The following SLC25A37 variants were observed in gnomAD, a reference collection of about 807,000 sequenced individuals.
SLC25A37 encodes the protein solute carrier family 25 member 37.
SLC25A37 carries 17 observed loss-of-function variants against 31.0 expected under a neutral mutation model. The observed-to-expected ratio is 0.55, with a 90% CI of 0.38 to 0.82. SLC25A37 has a LOEUF of 0.82. Ranked by LOEUF, SLC25A37 falls within the 40% of genes least tolerant of loss-of-function variation. The pLI is 0.00. For synonymous variants in SLC25A37, 222 were observed against 193.0 expected (o/e 1.15, Z -1.24); for missense variants, 404 against 465.8 (o/e 0.87, Z 1.22).
In SLC25A37 at chr8:23,566,112, G is replaced by T. The variant is rs751742801; in HGVS notation, c.215G>T (p.Arg72Leu). The T allele has an allele frequency of 1.3e-6, 2 of 1,581,248 alleles. No homozygotes were observed. Among genetic ancestry groups the T allele is most frequent in the Non-Finnish European group, 1.7e-6 (2 of 1,169,790 alleles). The change falls in exon 2 of 4, where the codon CGA becomes CTA. Residue 72 changes from arginine to leucine, a missense_variant. Physicochemically the swap from Arg to Leu is moderately radical, Grantham distance 102. Coordinates refer to ENST00000519973, the MANE Select transcript of SLC25A37 (RefSeq NM_016612.4). ...VMYPVDSVKT[R>L]MQSLSPDPKA... ...TCTCTTCTTGCCCGCTCCCAGACAC[G>T]AATGCAGAGTTTGAGTCCAGATCCC...
intron 1 of SLC25A37, among the ~76,000 whole-genome samples, chr8:23,564,633 A>AC (rs74840226): frequency 0.38 from 57,023 of 151,714 alleles, 10,984 homozygotes; most frequent in African/African-American, 0.44. Flanking sequence ...TTTCTTGCCT[A>AC]TATACTAGTC....
intron 1 of SLC25A37, among the ~76,000 whole-genome samples, chr8:23,534,501 T>G (rs1239285635): frequency 6.6e-6 from 1 of 152,202 alleles, no homozygotes; most frequent in African/African-American, 2.4e-5. Flanking sequence ...CTCTCATTTT[T>G]CCAGTGGGCC....
At chr8:23,533,813 G>C (rs540604198) in intron 1 of SLC25A37, among the ~76,000 whole-genome samples, 13 of 152,340 alleles carry the variant, frequency 8.5e-5, no homozygotes, top group South Asian at 2.1e-4. Flanking sequence ...ATACCCCTGT[G>C]ATCATGGTGT....
At chr8:23,559,882 C>T (rs778252938) in intron 1 of SLC25A37, among the ~76,000 whole-genome samples, 5 of 152,136 alleles carry the variant, frequency 3.3e-5, no homozygotes, top group Admixed American at 1.3e-4. Flanking sequence ...TATATTACAT[C>T]GTGTTTATCC....
rs1160363639 is a variant in SLC25A37 at position 23,572,833 on chromosome 8, C to T, written c.*978C>T. On this transcript the variant is annotated 3_prime_UTR_variant, in exon 4 of 4. Coordinates refer to ENST00000519973, the MANE Select transcript of SLC25A37 (RefSeq NM_016612.4). ...GGGCATAAACCTGCTGAGACTGCTT[C>T]CTTCCCTGGTTGTGAGTGATGTGAA... 1 of 152,202 alleles carries T rather than the reference C, an allele frequency of 6.6e-6. No individual in the cohort carries two copies. Among genetic ancestry groups the T allele is most frequent in the African/African-American group, 2.4e-5 (1 of 41,416 alleles). 9.4% of individuals were successfully genotyped at this position (152,202 alleles called of 1,614,324 possible).
At chr8:23,545,679 G>C (rs555553053) in intron 1 of SLC25A37, among the ~76,000 whole-genome samples, 4 of 152,288 alleles carry the variant, frequency 2.6e-5, no homozygotes, top group African/African-American at 4.8e-5. Context: ...AGAAGAAATG[G>C]TCAGGATAGA....
In SLC25A37 at chr8:23,571,705, G is replaced by A; in HGVS notation, c.867G>A (p.Val289=). 6.2e-7 allele frequency: 1 copy of A among 1,614,028 alleles called. No homozygotes were observed. The highest frequency in any genetic ancestry group is 8.5e-7 in the Non-Finnish European group (1 of 1,179,904). Residue 289 remains valine, a synonymous_variant, in exon 4 of 4, where the codon GTG becomes GTA. Transcript: ENST00000519973. ...LSGMANAFRT[V]YQLNGLAGYF... ...GTATGGCCAATGCCTTCCGGACGGTGTACCAGCTCAACGGCCTGGCCGGCT... is the reference window on the plus strand; with the variant it reads ...GTATGGCCAATGCCTTCCGGACGGTATACCAGCTCAACGGCCTGGCCGGCT...
rs1355638943 is a variant in SLC25A37 at position 23,566,170 on chromosome 8, C to G, written c.273C>G (p.Leu91=). 13 of 1,606,300 alleles carry G rather than the reference C, an allele frequency of 8.1e-6. No homozygotes were observed. Among genetic ancestry groups the G allele is most frequent in the Non-Finnish European group, 1.1e-5 (13 of 1,177,332 alleles). The change falls in exon 2 of 4, where the codon CTC becomes CTG. Residue 91 remains leucine, a synonymous_variant. Transcript: ENST00000519973. Reference sequence around the variant, plus strand: ...AGTACACAAGTATCTACGGAGCCCTCAAGAAAATCATGCGGACCGAAGGCT... The same window carrying G: ...AGTACACAAGTATCTACGGAGCCCTGAAGAAAATCATGCGGACCGAAGGCT... ...KAQYTSIYGA[L]KKIMRTEGFW...
At chr8:23,568,803 G>A (rs1168656469) in intron 3 of SLC25A37, 1 of 237,012 alleles carries the variant, frequency 4.2e-6, no homozygotes, top group African/African-American at 2.3e-5. Context: ...AATTAGCCTA[G>A]TGTGGTGTGT....
chr8:23,566,687 T>A, intron 2 of SLC25A37: 1 of 1,004,574 alleles, frequency 1.0e-6, no homozygotes, highest in East Asian at 1.0e-4. Flanking sequence ...AAACCCTGAA[T>A]AGAAACAAAA....
intron 1 of SLC25A37, among the ~76,000 whole-genome samples, chr8:23,555,810 C>A (rs940947399): frequency 1.3e-5 from 2 of 152,236 alleles, no homozygotes; most frequent in African/African-American, 4.8e-5. Flanking sequence ...GGTTTGTTCT[C>A]ACACATATGA....
intron 1 of SLC25A37, among the ~76,000 whole-genome samples, chr8:23,565,705 A>G (rs1272699995): frequency 6.6e-6 from 1 of 152,214 alleles, no homozygotes; most frequent in Non-Finnish European, 1.5e-5. Context: ...CCACAGGACA[A>G]TTCTACATCT....
rs1802951032 is a variant in SLC25A37, at chr8:23,575,172, T to C, written c.*3317T>C. 1.3e-5 allele frequency: 2 copies of C among 152,204 alleles called. No homozygotes were observed. The highest frequency in any genetic ancestry group is 4.8e-5 in the African/African-American group (2 of 41,450). The allele number at this position is 152,204 out of a possible 1,614,324, so 9.4% of individuals were successfully genotyped here. A position where few individuals can be genotyped will look rare whatever the true frequency, so the allele number is the denominator to read the frequency against. On this transcript the variant is annotated 3_prime_UTR_variant, in exon 4 of 4. Transcript: ENST00000519973. ...CCCATAAAGCTGCATCTCCAACACA[T>C]TGTTATGCCAATAAGGTTTTATTTA... is the stretch of plus-strand genomic sequence containing the variant.
intron 1 of SLC25A37, among the ~76,000 whole-genome samples, chr8:23,532,494 A>G (rs1801680398): frequency 6.6e-6 from 1 of 152,218 alleles, no homozygotes; most frequent in Non-Finnish European, 1.5e-5. Context: ...GGAGCATGCC[A>G]GGTGGGTGGA....
chr8:23,550,620 A>G (rs949566755), intron 1 of SLC25A37, among the ~76,000 whole-genome samples: 1 of 152,204 alleles, frequency 6.6e-6, no homozygotes, highest in Non-Finnish European at 1.5e-5. Context: ...TCCAGTGTGG[A>G]CAGCTTACGC....
chr8:23,570,144 AAT>A (rs1563268720), intron 3 of SLC25A37, among the ~76,000 whole-genome samples: 1 of 151,906 alleles, frequency 6.6e-6, no homozygotes, highest in African/African-American at 2.4e-5. Context: ...AGGTGAAGAA[AAT>A]CACCTTCTCC....
chr8:23,539,307 C>T (rs1179394536), intron 1 of SLC25A37, among the ~76,000 whole-genome samples: 1 of 151,482 alleles, frequency 6.6e-6, no homozygotes, highest in African/African-American at 2.5e-5. Flanking sequence ...CACCGAGCCT[C>T]TGGATCCATT....
rs112173270 is a variant in SLC25A37 at position 23,547,521 on chromosome 8, C to T, written c.210+18309C>T. Among the ~76,000 whole-genome samples, 1,086 of 152,320 alleles carry T rather than the reference C, an allele frequency of 7.1e-3. 20 individuals carry two copies. Among genetic ancestry groups the T allele is most frequent in the African/African-American group, 0.025 (1,038 of 41,554 alleles). On this transcript the variant is annotated intron_variant, in intron 1 of 3. Transcript: ENST00000519973. Reference sequence around the variant, plus strand: ...ACACTACATGATTCTCTCGGGAACTCACCAGTTCTAAAATTTCCACTCCTT... The same window carrying T: ...ACACTACATGATTCTCTCGGGAACTTACCAGTTCTAAAATTTCCACTCCTT...
chr8:23,561,481 C>T (rs1448860196), intron 1 of SLC25A37, among the ~76,000 whole-genome samples: 1 of 152,176 alleles, frequency 6.6e-6, no homozygotes, highest in African/African-American at 2.4e-5. Flanking sequence ...CAGCCTGTGC[C>T]AAGTGTTTCC....
Sources: gnomAD v4.1 joint callset for allele counts (sites outside exome capture counted in the v4.1 genomes callset) on GRCh38, gnomAD v4.1.1 for gene constraint, MANE v1.5 for transcripts, NCBI Gene and HGNC (gene_info 2026-07-23, HGNC 2026-07-21) for gene names.